KHDRBS3: variants seen among roughly 807,000 people sequenced by gnomAD.
The protein encoded by KHDRBS3 is KH RNA binding domain containing, signal transduction associated 3.
Under a neutral mutation model 45.6 loss-of-function variants are expected in KHDRBS3, and 23 were observed. The ratio of observed to expected loss-of-function variants is 0.50; its 90% confidence interval spans 0.36 to 0.72. KHDRBS3 has a LOEUF of 0.72. Among genes scored for constraint, KHDRBS3 ranks in the 30% least tolerant of loss-of-function variants. KHDRBS3 has a pLI of 0.00. For missense variants in KHDRBS3, 352 were observed against 424.8 expected, an observed-to-expected ratio of 0.83 and a Z score of 1.51; for synonymous variants, 162 against 156.5, an observed-to-expected ratio of 1.04 and a Z score of -0.26.
chr8:135,654,090 T>C (rs1381622634), intron 4 of KHDRBS3, among the ~76,000 whole-genome samples: 1 of 152,228 alleles, frequency 6.6e-6, no homozygotes, highest in Non-Finnish European at 1.5e-5. Context: ...ATTATCACTA[T>C]TTTTTACATA....
intron 1 of KHDRBS3, among the ~76,000 whole-genome samples, chr8:135,466,846 A>G (rs1821721125): frequency 6.6e-6 from 1 of 152,228 alleles, no homozygotes; most frequent in Non-Finnish European, 1.5e-5. Flanking sequence ...TATTCGACAC[A>G]TATTTGTTGA....
chr8:135,486,386 A>C (rs1323485638), intron 1 of KHDRBS3, among the ~76,000 whole-genome samples: 1 of 152,216 alleles, frequency 6.6e-6, no homozygotes, highest in African/African-American at 2.4e-5. Flanking sequence ...TACAAGTAGT[A>C]GTACGTTTTG....
intron 6 of KHDRBS3, among the ~76,000 whole-genome samples, chr8:135,598,805 G>A (rs930025902): frequency 2.6e-5 from 4 of 152,116 alleles, no homozygotes; most frequent in Non-Finnish European, 5.9e-5. Flanking sequence ...CAAATTATAA[G>A]ACTAAGCTTT....
At chr8:135,553,323 C>G (rs1237897420) in intron 4 of KHDRBS3, among the ~76,000 whole-genome samples, 2 of 151,992 alleles carry the variant, frequency 1.3e-5, no homozygotes, top group Non-Finnish European at 2.9e-5. Flanking sequence ...TTACTTTGAA[C>G]CATTTCGTCA....
intron 1 of KHDRBS3, among the ~76,000 whole-genome samples, chr8:135,479,717 A>G (rs148201496): frequency 3.0e-4 from 46 of 152,194 alleles, no homozygotes; most frequent in African/African-American, 9.4e-4. Flanking sequence ...GAAAGACCCT[A>G]CCTCTTTATA....
Position 135,457,834 on chromosome 8 carries a change from G to C in KHDRBS3, c.-33G>C. On this transcript the variant is annotated 5_prime_UTR_variant, in exon 1 of 9. Transcript: ENST00000355849. The surrounding 1 kb of genome is among the most constrained non-coding windows in gnomAD (Gnocchi z 4.4). ...CCGGGCGCCGCCCCCCGTGCGCCTG[G>C]AGTCCACATCCCGGGCCCGGCGGCC... The C allele has an allele frequency of 6.8e-7, 1 of 1,481,326 alleles. No individual in the cohort carries two copies. Among genetic ancestry groups the C allele is most frequent in the Non-Finnish European group, 9.1e-7 (1 of 1,101,040 alleles). 91.8% of individuals were successfully genotyped at this position (1,481,326 alleles called of 1,614,324 possible).
At chr8:135,631,650 C>T (rs2131141478) in intron 7 of KHDRBS3, among the ~76,000 whole-genome samples, 1 of 152,274 alleles carries the variant, frequency 6.6e-6, no homozygotes, top group Middle Eastern at 3.4e-3. Context: ...GCTGAAGGAC[C>T]TGCCTAAAGC....
chr8:135,583,120 AG>A (rs138826851), intron 6 of KHDRBS3, among the ~76,000 whole-genome samples: 2,593 of 152,234 alleles, frequency 0.017, 81 homozygotes, highest in African/African-American at 0.06. Context: ...GGAAATTTAG[AG>A]GTGGTAATAG....
At chr8:135,507,475 A>G (rs1824062040) in intron 1 of KHDRBS3, among the ~76,000 whole-genome samples, 1 of 152,206 alleles carries the variant, frequency 6.6e-6, no homozygotes, top group African/African-American at 2.4e-5. Context: ...GTAATTTTTT[A>G]ACTAAACACT....
chr8:135,488,933 C>G (rs935680881), intron 1 of KHDRBS3, among the ~76,000 whole-genome samples: 4 of 152,098 alleles, frequency 2.6e-5, no homozygotes, highest in African/African-American at 7.2e-5. Context: ...AGTTCTTAAC[C>G]CAGCACTGCT....
At chr8:135,482,205 C>T (rs931541129) in intron 1 of KHDRBS3, among the ~76,000 whole-genome samples, 38 of 152,180 alleles carry the variant, frequency 2.5e-4, no homozygotes, top group African/African-American at 7.2e-4. Context: ...TGTCACTGGA[C>T]ATTACATTAA....
intron 5 of KHDRBS3, among the ~76,000 whole-genome samples, chr8:135,577,322 G>T (rs1166928274): frequency 6.6e-6 from 1 of 151,998 alleles, no homozygotes; most frequent in African/African-American, 2.4e-5. Context: ...AGGTTGTTTG[G>T]GTTTTGACAA....
intron 7 of KHDRBS3, chr8:135,625,584 C>A: frequency 1.0e-6 from 1 of 955,424 alleles, no homozygotes; most frequent in Non-Finnish European, 1.7e-6. Flanking sequence ...ACTGCAGTTT[C>A]TTGACCTTGT....
intron 2 of KHDRBS3, among the ~76,000 whole-genome samples, chr8:135,529,800 C>T (rs546673768): frequency 6.6e-6 from 1 of 152,188 alleles, no homozygotes; most frequent in East Asian, 1.9e-4. Flanking sequence ...GTGGCTCATG[C>T]CTGTAATCCC....
intron 1 of KHDRBS3, among the ~76,000 whole-genome samples, chr8:135,509,590 G>C (rs749478077): frequency 6.6e-6 from 1 of 152,100 alleles, no homozygotes; most frequent in Non-Finnish European, 1.5e-5. Flanking sequence ...TTAGAATATA[G>C]TACCAAAATC....
intron 7 of KHDRBS3, chr8:135,625,131 T>G: frequency 9.7e-7 from 1 of 1,030,698 alleles, no homozygotes; most frequent in Non-Finnish European, 1.5e-6. Context: ...ATTTTACAGT[T>G]AAGCACATGA....
At chr8:135,606,786 G>T (rs1324189106) in intron 6 of KHDRBS3, among the ~76,000 whole-genome samples, 169 bp from the exon 7 acceptor site, 3 of 152,174 alleles carry the variant, frequency 2.0e-5, no homozygotes, top group African/African-American at 7.2e-5. Flanking sequence ...TTTGTAGAGA[G>T]AATGTGTGGA....
intron 1 of KHDRBS3, among the ~76,000 whole-genome samples, chr8:135,483,611 C>T (rs2130345567): frequency 6.6e-6 from 1 of 152,278 alleles, no homozygotes; most frequent in Middle Eastern, 3.4e-3. Context: ...GGAGGATATT[C>T]ATGTCATGAG....
intron 1 of KHDRBS3, among the ~76,000 whole-genome samples, chr8:135,462,603 A>G (rs7011649): frequency 0.71 from 107,988 of 152,066 alleles, 38,443 homozygotes; most frequent in East Asian, 0.77. Flanking sequence ...GCTTGTGGAC[A>G]TTTTTGAGGC....
Sources: allele counts gnomAD v4.1 joint callset (sites outside exome capture counted in the v4.1 genomes callset), GRCh38; gene constraint gnomAD v4.1.1; non-coding constraint Gnocchi (gnomAD v3.1); transcripts MANE v1.5; gene names NCBI Gene and HGNC (gene_info 2026-07-23, HGNC 2026-07-21).